SAMD12: variants seen among roughly 807,000 people sequenced by gnomAD.
The protein encoded by SAMD12 is sterile alpha motif domain-containing protein 12.
In SAMD12, 9 loss-of-function variants were observed where a neutral mutation model predicts 15.0. The observed-to-expected ratio is 0.60, with a 90% CI of 0.36 to 1.05. The LOEUF (loss-of-function observed/expected upper bound fraction) is 1.05. Among genes scored for constraint, SAMD12 ranks in the 50% least tolerant of loss-of-function variants. The probability of loss-of-function intolerance (pLI) is 0.01; values close to 1 mark genes in which losing one functional copy is unlikely to be tolerated. For synonymous variants in SAMD12, 86 were observed against 90.1 expected, an observed-to-expected ratio of 0.96 and a Z score of 0.25; for missense variants, 230 against 234.2, an observed-to-expected ratio of 0.98 and a Z score of 0.12.
intron 2 of SAMD12, among the ~76,000 whole-genome samples, chr8:118,472,281 C>T (rs1373031434): frequency 3.4e-5 from 5 of 148,012 alleles, no homozygotes; most frequent in African/African-American, 1.3e-4. Flanking sequence ...AGCGAGACTC[C>T]ATCTAAAAAA....
chr8:118,166,986 C>T, the SAMD12 span, among the ~76,000 whole-genome samples: 1 of 152,134 alleles, frequency 6.6e-6, no homozygotes, highest in African/African-American at 2.4e-5. Flanking sequence ...CCCTCCATTG[C>T]ACAGCCAGAC....
chr8:118,408,536 G>T (rs7004323), intron 3 of SAMD12, among the ~76,000 whole-genome samples: 52,275 of 152,026 alleles, frequency 0.34, 9,655 homozygotes, highest in African/African-American at 0.41. Context: ...AAGAAGCAAG[G>T]TAGTCTGCTA....
chr8:118,539,347 G>A (rs146665527), intron 2 of SAMD12, among the ~76,000 whole-genome samples: 1 of 152,182 alleles, frequency 6.6e-6, no homozygotes, highest in Non-Finnish European at 1.5e-5. Context: ...GGCTGGCATA[G>A]AACATGAGTG....
intron 4 of SAMD12, among the ~76,000 whole-genome samples, chr8:118,330,671 A>G (rs1816767083): frequency 1.3e-5 from 2 of 152,260 alleles, no homozygotes; most frequent in Admixed American, 6.5e-5. Flanking sequence ...AAGGTATCTT[A>G]TCTTAAAAAA....
intron 2 of SAMD12, among the ~76,000 whole-genome samples, chr8:118,467,374 G>A (rs985922524): frequency 3.3e-5 from 5 of 152,098 alleles, no homozygotes; most frequent in Admixed American, 6.5e-5. Context: ...TATAATCCAC[G>A]TACACTGCTT....
chr8:118,466,373 A>G (rs111919150), intron 2 of SAMD12, among the ~76,000 whole-genome samples: 5 of 152,196 alleles, frequency 3.3e-5, no homozygotes, highest in African/African-American at 1.2e-4. Context: ...TTTAACCACA[A>G]CTCTATGAAA....
At chr8:118,225,903 A>G (rs983315693) in intron 4 of SAMD12, among the ~76,000 whole-genome samples, 36 of 152,146 alleles carry the variant, frequency 2.4e-4, no homozygotes, top group Non-Finnish European at 4.1e-4. Context: ...GATGCAGTGA[A>G]TTACACCTGG....
At chr8:118,260,983 C>T (rs1348886323) in intron 4 of SAMD12, among the ~76,000 whole-genome samples, 3 of 152,124 alleles carry the variant, frequency 2.0e-5, no homozygotes, top group Non-Finnish European at 4.4e-5. Context: ...CCTTTCACAA[C>T]AGTCTTACTC....
At chr8:118,146,704 C>T in the SAMD12 span, among the ~76,000 whole-genome samples, 2 of 152,298 alleles carry the variant, frequency 1.3e-5, no homozygotes, top group African/African-American at 4.8e-5. Context: ...AGCCAAGGAG[C>T]TCTCAGAAGC....
intron 3 of SAMD12, among the ~76,000 whole-genome samples, chr8:118,431,022 TCAA>T (rs1294143466): frequency 2.6e-5 from 4 of 152,194 alleles, no homozygotes; most frequent in Non-Finnish European, 5.9e-5. Context: ...TTTTATCTTC[TCAA>T]CACATTATTT....
At chr8:118,412,614 G>C (rs535381007) in intron 3 of SAMD12, among the ~76,000 whole-genome samples, 2 of 152,134 alleles carry the variant, frequency 1.3e-5, no homozygotes, top group South Asian at 4.2e-4. Context: ...CCCAGACTAG[G>C]TCAGAAAAGG....
At chr8:118,513,763 G>A (rs913193391) in intron 2 of SAMD12, among the ~76,000 whole-genome samples, 1 of 152,164 alleles carries the variant, frequency 6.6e-6, no homozygotes, top group Admixed American at 6.5e-5. Context: ...GACAGGTAAT[G>A]CAAATGAGCA....
At chr8:118,267,424 G>A (rs771464798) in intron 4 of SAMD12, among the ~76,000 whole-genome samples, 4 of 152,116 alleles carry the variant, frequency 2.6e-5, no homozygotes, top group Admixed American at 6.6e-5. Flanking sequence ...AAAATGCTCT[G>A]AGAAGGCCAA....
chr8:118,562,574 T>A (rs1563585874), intron 2 of SAMD12, among the ~76,000 whole-genome samples: 2 of 151,890 alleles, frequency 1.3e-5, no homozygotes, highest in African/African-American at 2.4e-5. Flanking sequence ...TGCAGAAAAG[T>A]GACAAAGAAC....
chr8:118,213,823 G>T (rs1173965410), intron 4 of SAMD12, among the ~76,000 whole-genome samples: 2 of 152,150 alleles, frequency 1.3e-5, no homozygotes, highest in African/African-American at 4.8e-5. Context: ...AAGGCTTATG[G>T]AGCTCCTAAA....
intron 2 of SAMD12, among the ~76,000 whole-genome samples, chr8:118,527,090 C>T (rs893931012): frequency 2.6e-5 from 4 of 152,188 alleles, no homozygotes; most frequent in African/African-American, 9.7e-5. Context: ...TCTGTTTTCT[C>T]CATTTGATAT....
chr8:118,408,588 C>T (rs979169848), intron 3 of SAMD12, among the ~76,000 whole-genome samples: 1 of 152,188 alleles, frequency 6.6e-6, no homozygotes, highest in Non-Finnish European at 1.5e-5. Context: ...GTTTTAGCAA[C>T]TCTATTCCAT....
intron 4 of SAMD12, among the ~76,000 whole-genome samples, chr8:118,323,151 G>C (rs1173098802): frequency 6.6e-6 from 1 of 152,188 alleles, no homozygotes; most frequent in Non-Finnish European, 1.5e-5. Flanking sequence ...ATGTGGAACA[G>C]AGTCACCCAC....
At chr8:118,490,373 T>C (rs540156198) in intron 2 of SAMD12, among the ~76,000 whole-genome samples, 13 of 152,274 alleles carry the variant, frequency 8.5e-5, no homozygotes, top group African/African-American at 3.1e-4. Context: ...CCAAGTGTTA[T>C]TCGTGTTGAT....
Sources: gnomAD v4.1 joint callset for allele counts (sites outside exome capture counted in the v4.1 genomes callset) on GRCh38, gnomAD v4.1.1 for gene constraint, MANE v1.5 for transcripts, NCBI Gene and HGNC (gene_info 2026-07-23, HGNC 2026-07-21) for gene names.